ILDR1: variants seen among roughly 807,000 people sequenced by gnomAD.
ILDR1 encodes immunoglobulin-like domain-containing receptor 1.
Under a neutral mutation model 62.4 loss-of-function variants are expected in ILDR1, and 56 were observed. The observed-to-expected ratio is 0.90, with a 90% CI of 0.72 to 1.12. The LOEUF is 1.12. Ranked by LOEUF, ILDR1 falls within the 50% of genes most tolerant of loss-of-function variation. The pLI is 0.00. For synonymous variants in ILDR1, 284 were observed against 277.8 expected (o/e 1.02, Z -0.22); for missense variants, 736 against 710.6 (o/e 1.04, Z -0.41).
In ILDR1 at chr3:122,022,090, C is replaced by G; in HGVS notation, c.-13G>C. On this transcript the variant is annotated 5_prime_UTR_variant, in exon 1 of 8. Transcript: ENST00000344209. ...TGGGCCATGCCATGCCGCCCCCTTTCTGGCCCTTTTCAGCTCAGGGGCTTC... is the reference window on the plus strand; with the variant it reads ...TGGGCCATGCCATGCCGCCCCCTTTGTGGCCCTTTTCAGCTCAGGGGCTTC... The G allele has an allele frequency of 6.2e-7, 1 of 1,600,066 alleles. No individual in the cohort carries two copies. The highest frequency in any genetic ancestry group is 1.1e-5 in the South Asian group (1 of 88,328).
At chr3:122,047,619 C>G in the ILDR1 span, among the ~76,000 whole-genome samples, 1 of 152,186 alleles carries the variant, frequency 6.6e-6, no homozygotes, top group Non-Finnish European at 1.5e-5. Context: ...TCTCGTGGTT[C>G]GCCGTTTTTT....
chr3:122,060,644 T>TA, the ILDR1 span, among the ~76,000 whole-genome samples: 291 of 150,562 alleles, frequency 1.9e-3, 2 homozygotes, highest in Non-Finnish European at 2.4e-3. Context: ...TAATTTAAAT[T>TA]AAAAAAAAAG....
At chr3:122,057,139 A>T in the ILDR1 span, among the ~76,000 whole-genome samples, 1 of 152,212 alleles carries the variant, frequency 6.6e-6, no homozygotes, top group South Asian at 2.1e-4. Flanking sequence ...GATTATTTGT[A>T]CCCTAGTTGC....
intron 5 of ILDR1, among the ~76,000 whole-genome samples, chr3:121,996,528 G>T (rs1242820407): frequency 6.6e-6 from 1 of 152,190 alleles, no homozygotes; most frequent in Non-Finnish European, 1.5e-5. Context: ...GCTATCAGGG[G>T]TATCTGTTGC....
At chr3:121,995,173 G>A (rs1023594066) in intron 5 of ILDR1, among the ~76,000 whole-genome samples, 1 of 152,208 alleles carries the variant, frequency 6.6e-6, no homozygotes, top group African/African-American at 2.4e-5. Context: ...GTTTTTGTTT[G>A]TGCTTTTCTA....
chr3:122,061,646 A>G, the ILDR1 span, among the ~76,000 whole-genome samples: 1 of 152,322 alleles, frequency 6.6e-6, no homozygotes, highest in Middle Eastern at 3.4e-3. Context: ...TTAAACCACT[A>G]CCTACCTATA....
At chr3:121,992,033 C>A (rs905693565) in intron 7 of ILDR1, among the ~76,000 whole-genome samples, 4 of 152,144 alleles carry the variant, frequency 2.6e-5, no homozygotes, top group Non-Finnish European at 5.9e-5. Context: ...TCATGGGTAG[C>A]CTGTAAGTTG....
At chr3:122,005,993 G>A (rs896374491) in intron 2 of ILDR1, among the ~76,000 whole-genome samples, 1 of 151,962 alleles carries the variant, frequency 6.6e-6, no homozygotes, top group East Asian at 1.9e-4. Flanking sequence ...TCTGCCCCTG[G>A]CAAATGCCTG....
intron 3 of ILDR1, 145 bp from the exon 4 acceptor site, chr3:122,002,009 A>C (rs981883675): frequency 2.1e-6 from 2 of 951,376 alleles, no homozygotes; most frequent in Non-Finnish European, 3.1e-6. Flanking sequence ...CCATGGTGGC[A>C]TGTGCCTATA....
chr3:121,989,799 C>T (rs1025158526), intron 7 of ILDR1, among the ~76,000 whole-genome samples: 3 of 152,126 alleles, frequency 2.0e-5, no homozygotes, highest in African/African-American at 4.8e-5. Flanking sequence ...TGTAACATAT[C>T]GTTCCTATCT....
At chr3:122,011,012 C>T (rs529875326) in intron 1 of ILDR1, among the ~76,000 whole-genome samples, 1 of 152,234 alleles carries the variant, frequency 6.6e-6, no homozygotes, top group Admixed American at 6.5e-5. Flanking sequence ...AGTGCTCCTG[C>T]CTCTCAGCTT....
In ILDR1 at chr3:121,988,216, G is replaced by A. The variant is rs1576709080; in HGVS notation, c.*151C>T. ...CCACTATACCCAATCTCAAACTCTT[G>A]TATTTAAAATTCTTCTATTTGATTC... On this transcript the variant is annotated 3_prime_UTR_variant, in exon 8 of 8. Transcript: ENST00000344209. 1 of 718,824 alleles carries A rather than the reference G, an allele frequency of 1.4e-6. No homozygotes were observed. Among genetic ancestry groups the A allele is most frequent in the South Asian group, 1.5e-5 (1 of 67,412 alleles). The allele number at this position is 718,824 out of a possible 1,614,324, so 44.5% of individuals were successfully genotyped here.
upstream of ILDR1, among the ~76,000 whole-genome samples, chr3:122,026,311 G>A (rs2071921032): frequency 6.6e-6 from 1 of 152,198 alleles, no homozygotes; most frequent in Non-Finnish European, 1.5e-5. Flanking sequence ...TGTTACTATA[G>A]TTAAGGTGGG....
At chr3:122,051,768 T>C in the ILDR1 span, among the ~76,000 whole-genome samples, 1 of 152,148 alleles carries the variant, frequency 6.6e-6, no homozygotes, top group Admixed American at 6.5e-5. Context: ...CTTCCAGTCT[T>C]TACCAGCCGG....
In ILDR1 at chr3:121,993,500, C is replaced by T; in HGVS notation, c.1249G>A (p.Asp417Asn). ...RLNGSPIHWSDRDSLSDVPSS... is the reference protein window; with the variant it reads ...RLNGSPIHWSNRDSLSDVPSS... ...GGGACATCGCTTAGGCTGTCCCTGT[C>T]TGACCAGTGTATGGGTGACCCATTC... Residue 417 changes from aspartate to asparagine, a missense_variant, in exon 7 of 8, where the codon GAC (aspartate) becomes AAC (asparagine). Asp to Asn is a conservative substitution (Grantham distance 23). Transcript: ENST00000344209. 4 of 1,614,260 alleles carry T rather than the reference C, an allele frequency of 2.5e-6. No homozygotes were observed. The highest frequency in any genetic ancestry group is 3.4e-6 in the Non-Finnish European group (4 of 1,180,046).
chr3:121,992,389 C>T (rs1472665776), intron 7 of ILDR1, among the ~76,000 whole-genome samples: 9 of 152,206 alleles, frequency 5.9e-5, no homozygotes, highest in Non-Finnish European at 1.2e-4. Flanking sequence ...CCACCCGCCT[C>T]GGCCTCCCAA....
chr3:122,037,907 A>G, the ILDR1 span, among the ~76,000 whole-genome samples: 9 of 151,866 alleles, frequency 5.9e-5, no homozygotes, highest in Non-Finnish European at 1.2e-4. Context: ...ATGGCTTAAA[A>G]GTGTGTGGTA....
the ILDR1 span, among the ~76,000 whole-genome samples, chr3:122,047,775 C>A: frequency 6.6e-6 from 1 of 152,166 alleles, no homozygotes; most frequent in Admixed American, 6.5e-5. Flanking sequence ...CTTCGGCTTG[C>A]GCACAGTGCA....
chr3:122,040,295 A>G, the ILDR1 span, among the ~76,000 whole-genome samples: 1 of 151,974 alleles, frequency 6.6e-6, no homozygotes, highest in Non-Finnish European at 1.5e-5. Context: ...CTTGGAAACC[A>G]AAAAAAGATA....
Sources: gnomAD v4.1 joint callset for allele counts (sites outside exome capture counted in the v4.1 genomes callset) on GRCh38, gnomAD v4.1.1 for gene constraint, MANE v1.5 for transcripts, NCBI Gene and HGNC (gene_info 2026-07-23, HGNC 2026-07-21) for gene names.